The following RBPMS variants were observed in gnomAD, a reference collection of about 807,000 sequenced individuals.
RBPMS encodes RNA-binding protein with multiple splicing.
A neutral mutation model predicts 26.8 loss-of-function variants in RBPMS; 7 were observed. The ratio of observed to expected loss-of-function variants is 0.26; its 90% confidence interval spans 0.15 to 0.49. The LOEUF is 0.49. Among genes scored for constraint, RBPMS ranks in the 20% least tolerant of loss-of-function variants. The pLI is 0.98. For synonymous variants in RBPMS, 96 were observed against 93.3 expected, an observed-to-expected ratio of 1.03 and a Z score of -0.17; for missense variants, 186 against 250.0, an observed-to-expected ratio of 0.74 and a Z score of 1.73.
At chr8:30,504,153 G>A in intron 4 of RBPMS, 133 bp from the exon 5 acceptor site, 1 of 821,732 alleles carries the variant, frequency 1.2e-6, no homozygotes, top group Non-Finnish European at 2.0e-6. Context: ...ACCTGTGTAA[G>A]TAGTAAGAAT....
At chr8:30,426,672 G>A (rs557008921) in intron 1 of RBPMS, among the ~76,000 whole-genome samples, 18 of 151,066 alleles carry the variant, frequency 1.2e-4, no homozygotes, top group African/African-American at 3.7e-4. Flanking sequence ...TTTGCTTGCA[G>A]TGATTTTCTT....
At chr8:30,516,508 A>G (rs1386033144) in intron 5 of RBPMS, among the ~76,000 whole-genome samples, 1 of 152,328 alleles carries the variant, frequency 6.6e-6, no homozygotes, top group African/African-American at 2.4e-5. Flanking sequence ...GATGAGCTGG[A>G]TAACATACCA....
rs550123854 is a variant in RBPMS, at chr8:30,559,747, T to C, written c.*7+791T>C. Among the ~76,000 whole-genome samples, 347 of 152,248 alleles carry C rather than the reference T, an allele frequency of 2.3e-3. 1 individual carries two copies. Among genetic ancestry groups the C allele is most frequent in the Middle Eastern group, 3.4e-3 (1 of 294 alleles). On this transcript the variant is annotated intron_variant, in intron 7 of 8. Coordinates refer to ENST00000397323, the MANE Select transcript of RBPMS (RefSeq NM_001008710.3). ...TGGTTTACACAGTTCCTTCATGAAA[T>C]AGGAAGAAAAATGAGAAGAGGGAGG...
intron 1 of RBPMS, among the ~76,000 whole-genome samples, chr8:30,460,139 T>C (rs1158548808): frequency 6.6e-6 from 1 of 152,228 alleles, no homozygotes; most frequent in Non-Finnish European, 1.5e-5. Context: ...ATATTAATTG[T>C]AGCCTAAATG....
chr8:30,487,168 G>A (rs1326708193), intron 4 of RBPMS, among the ~76,000 whole-genome samples: 1 of 152,164 alleles, frequency 6.6e-6, no homozygotes, highest in Non-Finnish European at 1.5e-5. Context: ...TGACTGTCTT[G>A]ACTACCCACA....
At chr8:30,521,774 G>C (rs551717728) in intron 5 of RBPMS, among the ~76,000 whole-genome samples, 4 of 152,100 alleles carry the variant, frequency 2.6e-5, no homozygotes, top group Non-Finnish European at 5.9e-5. Flanking sequence ...TTGCCATTTA[G>C]ATTGCTTCCA....
In RBPMS at chr8:30,558,920, C is replaced by G. The variant is rs1827215801; in HGVS notation, c.562C>G (p.Gln188Glu). 4 of 1,614,062 alleles carry G rather than the reference C, an allele frequency of 2.5e-6. No homozygotes were observed. The African/African-American group carries it at 4.0e-5, about 16-fold the overall frequency. Residue 188 changes from glutamine (Q) to glutamate (E), a missense_variant, in exon 7 of 9, where the codon CAG (glutamine) becomes GAG (glutamate). Transcript: ENST00000397323. Reference sequence around the variant, plus strand: ...GCTCCCTCCCTCCGAGGCTACTTCTCAGGGCTGGAAGTCCCGTCAGTTCTG... The same window carrying G: ...GCTCCCTCCCTCCGAGGCTACTTCTGAGGGCTGGAAGTCCCGTCAGTTCTG... ...RWLPPSEATS[Q>E]GWKSRQFC
At chr8:30,527,023 C>T (rs1473093387) in intron 5 of RBPMS, among the ~76,000 whole-genome samples, 1 of 152,148 alleles carries the variant, frequency 6.6e-6, no homozygotes, top group African/African-American at 2.4e-5. Context: ...AAAGGGCATG[C>T]TAGCCTGTTC....
chr8:30,387,838 C>T (rs1220673118), intron 1 of RBPMS, among the ~76,000 whole-genome samples: 2 of 152,136 alleles, frequency 1.3e-5, no homozygotes, highest in African/African-American at 4.8e-5. Context: ...GTTTCTAATG[C>T]TTACCCTGAA....
intron 1 of RBPMS, among the ~76,000 whole-genome samples, chr8:30,423,973 G>A (rs1327270293): frequency 3.3e-5 from 5 of 152,048 alleles, no homozygotes; most frequent in African/African-American, 9.7e-5. Context: ...AAGTAGCTGG[G>A]ACCTCAGACG....
chr8:30,533,118 C>T (rs992161503), intron 5 of RBPMS, among the ~76,000 whole-genome samples: 1 of 152,218 alleles, frequency 6.6e-6, no homozygotes, highest in African/African-American at 2.4e-5. Context: ...GTCATAACTT[C>T]ATTTAAGAAT....
At chr8:30,488,454 A>G (rs911443845) in intron 4 of RBPMS, among the ~76,000 whole-genome samples, 1 of 152,252 alleles carries the variant, frequency 6.6e-6, no homozygotes, top group Non-Finnish European at 1.5e-5. Context: ...TTAAGATTAC[A>G]GGTGATAGAT....
intron 1 of RBPMS, among the ~76,000 whole-genome samples, chr8:30,388,403 T>C (rs1342894987): frequency 6.7e-6 from 1 of 150,052 alleles, no homozygotes; most frequent in Non-Finnish European, 1.5e-5. Context: ...TTATAGCTTA[T>C]AACTTATAGC....
At chr8:30,546,699 ACTT>A (rs1367107485) in intron 6 of RBPMS, among the ~76,000 whole-genome samples, 1 of 152,168 alleles carries the variant, frequency 6.6e-6, no homozygotes, top group African/African-American at 2.4e-5. Flanking sequence ...TTTCAACGCC[ACTT>A]CTTGTTTGGA....
Position 30,487,214 on chromosome 8 carries a change from G to A in RBPMS, c.246+7837G>A, listed in dbSNP as rs79099845. 8.1e-3 allele frequency among the ~76,000 whole-genome samples: 1,232 copies of A among 151,268 alleles called. 19 individuals carry two copies. The highest frequency in any genetic ancestry group is 0.028 in the African/African-American group (1,140 of 41,424). On this transcript the variant is annotated intron_variant, in intron 4 of 8. Coordinates refer to ENST00000397323, the MANE Select transcript of RBPMS (RefSeq NM_001008710.3). ...TTCTGCAGGGCAGCACATTTTGGCA[G>A]CTTAAATCACTGTCTTCTTTGTTCT...
Position 30,566,982 on chromosome 8 carries a change from G to A in RBPMS, c.*111+622G>A, listed in dbSNP as rs150958147. On this transcript the variant is annotated intron_variant, in intron 8 of 8. Coordinates refer to ENST00000397323, the MANE Select transcript of RBPMS (RefSeq NM_001008710.3). ...GGTATCACCTGTCACTCCTCAGTTC[G>A]TTAGCTACTAGCAGGAAATGTAGTC... 1.7e-3 allele frequency among the ~76,000 whole-genome samples: 258 copies of A among 152,218 alleles called. 1 individual carries two copies. Among genetic ancestry groups the A allele is most frequent in the African/African-American group, 5.8e-3 (239 of 41,528 alleles).
chr8:30,477,641 G>GCACA (rs1213430233), intron 2 of RBPMS, among the ~76,000 whole-genome samples, 158 bp from the exon 3 acceptor site: 1 of 152,072 alleles, frequency 6.6e-6, no homozygotes, highest in Non-Finnish European at 1.5e-5. Flanking sequence ...GTGTGTGTGT[G>GCACA]TGCACATGCA....
At chr8:30,437,699 GA>G (rs1417148036) in intron 1 of RBPMS, among the ~76,000 whole-genome samples, 2 of 152,012 alleles carry the variant, frequency 1.3e-5, no homozygotes, top group African/African-American at 4.8e-5. Flanking sequence ...GCTGAAGCAG[GA>G]GAATCACTTG....
rs1243815847 is a variant in RBPMS at position 30,571,383 on chromosome 8, G to A, written c.*858G>A. On this transcript the variant is annotated 3_prime_UTR_variant, in exon 9 of 9. Transcript: ENST00000397323. ...TCTCCTGTATGTGTAGCCACTCGAT[G>A]CCTAACCTACCTTCCACAAGCCAGC... 6.6e-6 allele frequency: 1 copy of A among 152,258 alleles called. No individual in the cohort carries two copies. 9.4% of individuals were successfully genotyped at this position (152,258 alleles called of 1,614,324 possible). A position where few individuals can be genotyped will look rare whatever the true frequency, so the allele number is the denominator to read the frequency against.
Sources: gnomAD v4.1 joint callset for allele counts (sites outside exome capture counted in the v4.1 genomes callset) on GRCh38, gnomAD v4.1.1 for gene constraint, MANE v1.5 for transcripts, NCBI Gene and HGNC (gene_info 2026-07-23, HGNC 2026-07-21) for gene names.